Variants in PDZD9 observed in about 807,000 individuals in gnomAD.
The protein encoded by PDZD9 is PDZ domain containing 9, also known as PDZ domain-containing protein 9.
A neutral mutation model predicts 16.3 loss-of-function variants in PDZD9; 13 were observed. The observed-to-expected ratio is 0.80, with a 90% CI of 0.52 to 1.27. The LOEUF (loss-of-function observed/expected upper bound fraction) is 1.27, where lower values mean the gene tolerates loss of function less well. PDZD9 is among the 50% of genes most tolerant of loss of function. The pLI is 0.00. For synonymous variants in PDZD9, 120 were observed against 111.0 expected (o/e 1.08, Z -0.51); for missense variants, 288 against 310.9 (o/e 0.93, Z 0.55).
In PDZD9 at chr16:21,984,123, T is replaced by A; in HGVS notation, c.*144A>T. On this transcript the variant is annotated 3_prime_UTR_variant, in exon 4 of 4. Transcript: ENST00000424898. The stretch of plus-strand genomic sequence containing the variant: ...CTTTAGATAATCCTGTTGAAGAACA[T>A]CTCTAAAGGCTTTATAACGCAGTCA... The A allele has an allele frequency of 1.2e-6, 1 of 863,048 alleles. No individual in the cohort carries two copies. The highest frequency in any genetic ancestry group is 2.6e-5 in the East Asian group (1 of 37,890). The allele number at this position is 863,048 out of a possible 1,614,324, so 53.5% of individuals were successfully genotyped here.
At chr16:21,974,620 T>C in the PDZD9 span, among the ~76,000 whole-genome samples, 1 of 152,112 alleles carries the variant, frequency 6.6e-6, no homozygotes, top group Non-Finnish European at 1.5e-5. Flanking sequence ...AAGGAATGAA[T>C]GACAAGTAAG....
chr16:21,985,832 C>A (rs1898864185), intron 3 of PDZD9, among the ~76,000 whole-genome samples: 1 of 152,144 alleles, frequency 6.6e-6, no homozygotes. Context: ...CAGTAATAAA[C>A]AGTTGATAAT....
chr16:21,988,895 T>G (rs984238412), intron 2 of PDZD9, 104 bp from the exon 3 acceptor site: 2 of 981,458 alleles, frequency 2.0e-6, no homozygotes, highest in African/African-American at 3.4e-5. Context: ...GTTCATATTG[T>G]TGATTCTTTT....
chr16:21,960,045 T>G, the PDZD9 span, among the ~76,000 whole-genome samples: 1 of 152,192 alleles, frequency 6.6e-6, no homozygotes, highest in East Asian at 1.9e-4. Flanking sequence ...GTAAATGACC[T>G]CATCCTAAAG....
At chr16:21,990,841 T>A (rs1899004684) in intron 2 of PDZD9, among the ~76,000 whole-genome samples, 1 of 152,208 alleles carries the variant, frequency 6.6e-6, no homozygotes. Context: ...ACCAAACATG[T>A]CAGCATGTGA....
At chr16:21,975,966 G>A in the PDZD9 span, among the ~76,000 whole-genome samples, 4 of 152,180 alleles carry the variant, frequency 2.6e-5, no homozygotes, top group African/African-American at 4.8e-5. Context: ...GCTGGGGCAG[G>A]AGGATTGTGT....
chr16:21,997,120 G>A (rs1899171718), intron 1 of PDZD9, among the ~76,000 whole-genome samples: 1 of 152,194 alleles, frequency 6.6e-6, no homozygotes, highest in Admixed American at 6.5e-5. Context: ...ACCGTGCCTG[G>A]CCCACATGTG....
the PDZD9 span, among the ~76,000 whole-genome samples, chr16:21,975,024 C>T: frequency 2.0e-5 from 3 of 151,920 alleles, no homozygotes; most frequent in Non-Finnish European, 4.4e-5. Context: ...TTGAAATCAG[C>T]GACCACAAAT....
chr16:21,978,260 A>C, the PDZD9 span, among the ~76,000 whole-genome samples: 1 of 152,170 alleles, frequency 6.6e-6, no homozygotes, highest in African/African-American at 2.4e-5. Flanking sequence ...AGGTAAAATC[A>C]TTTTTTAATT....
At chr16:21,971,969 T>C in the PDZD9 span, 2 of 1,614,204 alleles carry the variant, frequency 1.2e-6, no homozygotes. Context: ...ATGCTGCTTT[T>C]GTAGCAGAAA....
chr16:21,983,204 C>CA (rs746520948), downstream of PDZD9: 3 of 1,573,962 alleles, frequency 1.9e-6, no homozygotes. Flanking sequence ...GAGAGCTGAA[C>CA]GTTCTCTCAG....
Position 21,988,808 on chromosome 16 carries a change from TTATG to T in PDZD9, c.212-21_212-18del. The T allele has an allele frequency of 1.9e-6, 3 of 1,577,356 alleles. No individual in the cohort carries two copies. Among genetic ancestry groups the T allele is most frequent in the African/African-American group, 1.4e-5 (1 of 73,392 alleles). On this transcript the variant is annotated intron_variant, in intron 2 of 3. Coordinates refer to ENST00000424898, the MANE Select transcript of PDZD9 (RefSeq NM_001363519.1). ...GAACATCACCTGAAGAGGGAAAAAA[TTATG>T]TATCAGTAAAACTAGAGGTTTAAAG...
At chr16:21,967,532 A>G in the PDZD9 span, among the ~76,000 whole-genome samples, 1 of 151,988 alleles carries the variant, frequency 6.6e-6, no homozygotes, top group African/African-American at 2.4e-5. Flanking sequence ...CTACTTTTGT[A>G]TATTAAGCCT....
At chr16:21,990,367 G>A (rs1898993378) in intron 2 of PDZD9, among the ~76,000 whole-genome samples, 1 of 152,106 alleles carries the variant, frequency 6.6e-6, no homozygotes, top group Admixed American at 6.5e-5. Context: ...CATGCACTGG[G>A]CTTCAATCAG....
chr16:21,986,707 CA>C (rs1279102699), intron 3 of PDZD9, among the ~76,000 whole-genome samples: 1 of 152,106 alleles, frequency 6.6e-6, no homozygotes, highest in African/African-American at 2.4e-5. Flanking sequence ...CACATTCTCC[CA>C]GGGAAACACA....
chr16:21,965,637 C>A, the PDZD9 span: 1 of 692,002 alleles, frequency 1.4e-6, no homozygotes, highest in Non-Finnish European at 2.1e-6. Context: ...GCTTTTTCAT[C>A]CACCTGCTTT....
chr16:21,961,626 T>TATATATATATA, the PDZD9 span, among the ~76,000 whole-genome samples: 1 of 64,476 alleles, frequency 1.6e-5, no homozygotes, highest in Non-Finnish European at 4.3e-5. Context: ...AACATAAAAT[T>TATATATATATA]TATATATATA....
At chr16:21,989,334 C>T (rs532082821) in intron 2 of PDZD9, among the ~76,000 whole-genome samples, 6 of 152,142 alleles carry the variant, frequency 3.9e-5, no homozygotes, top group African/African-American at 1.4e-4. Context: ...TATTGGTAGA[C>T]ATTATATGAT....
At chr16:21,974,080 T>G in the PDZD9 span, 5 of 1,026,552 alleles carry the variant, frequency 4.9e-6, no homozygotes, top group African/African-American at 1.6e-5. Context: ...TGCAGTGCAA[T>G]GACTTATCAG....
Sources: allele counts gnomAD v4.1 joint callset (sites outside exome capture counted in the v4.1 genomes callset), GRCh38; gene constraint gnomAD v4.1.1; transcripts MANE v1.5; gene names NCBI Gene and HGNC (gene_info 2026-07-23, HGNC 2026-07-21).